AKT3: variants seen among roughly 807,000 people sequenced by gnomAD.
AKT3 encodes AKT serine/threonine kinase 3, also known as RAC-gamma serine/threonine-protein kinase.
A neutral mutation model predicts 65.3 loss-of-function variants in AKT3; 15 were observed. That is an observed-to-expected ratio of 0.23 (90% CI 0.15 to 0.35). The LOEUF (loss-of-function observed/expected upper bound fraction) is 0.35, where lower values mean the gene tolerates loss of function less well. Among genes scored for constraint, AKT3 ranks in the 10% least tolerant of loss-of-function variants. The probability of loss-of-function intolerance (pLI) is 1.00; values close to 1 mark genes in which losing one functional copy is unlikely to be tolerated. For synonymous variants in AKT3, 206 were observed against 183.8 expected, an observed-to-expected ratio of 1.12 and a Z score of -0.98; for missense variants, 243 against 576.5, an observed-to-expected ratio of 0.42 and a Z score of 5.92.
intron 3 of AKT3, among the ~76,000 whole-genome samples, chr1:243,671,355 C>T (rs1024328295): frequency 3.3e-5 from 5 of 152,194 alleles, no homozygotes; most frequent in Non-Finnish European, 7.3e-5. Flanking sequence ...GCTGGGATTA[C>T]AGGCGTGAGC....
At chr1:243,683,098 A>G (rs936937437) in intron 3 of AKT3, among the ~76,000 whole-genome samples, 2 of 152,168 alleles carry the variant, frequency 1.3e-5, no homozygotes, top group African/African-American at 4.8e-5. Context: ...TCTGTTAGAC[A>G]TGGGTTCATG....
chr1:243,811,419 G>C (rs150937457), intron 2 of AKT3, among the ~76,000 whole-genome samples: 3 of 151,992 alleles, frequency 2.0e-5, no homozygotes, highest in Non-Finnish European at 1.5e-5. Flanking sequence ...TCCCATTCAC[G>C]ATTGCTTCAA....
intron 12 of AKT3, among the ~76,000 whole-genome samples, chr1:243,525,050 T>A (rs1335244745): frequency 6.6e-6 from 1 of 152,044 alleles, no homozygotes; most frequent in Non-Finnish European, 1.5e-5. Context: ...AGCTTTTAAG[T>A]GAAGGAGGTG....
At chr1:243,586,072 T>C (rs1462856772) in intron 8 of AKT3, among the ~76,000 whole-genome samples, 1 of 152,078 alleles carries the variant, frequency 6.6e-6, no homozygotes, top group Non-Finnish European at 1.5e-5. Context: ...GCAAATGACA[T>C]GAACAGACAT....
intron 3 of AKT3, among the ~76,000 whole-genome samples, chr1:243,680,511 A>G (rs186232536): frequency 1.3e-5 from 2 of 152,228 alleles, no homozygotes; most frequent in Admixed American, 6.5e-5. Flanking sequence ...TATCTTTCCT[A>G]AATTCCAAGG....
chr1:243,683,522 G>T (rs1684069853), intron 3 of AKT3, among the ~76,000 whole-genome samples: 1 of 152,080 alleles, frequency 6.6e-6, no homozygotes. Context: ...GGCTAGAAAA[G>T]AAAATCAAGG....
intron 2 of AKT3, among the ~76,000 whole-genome samples, chr1:243,699,980 G>A (rs1024869120): frequency 6.6e-6 from 1 of 152,162 alleles, no homozygotes; most frequent in Admixed American, 6.5e-5. Context: ...TTCTCCCCTG[G>A]AGCCTTCTCA....
At chr1:243,638,398 A>G (rs1680134317) in intron 5 of AKT3, among the ~76,000 whole-genome samples, 1 of 152,094 alleles carries the variant, frequency 6.6e-6, no homozygotes. Flanking sequence ...AAGTCAGGTA[A>G]TCCTGAGGAT....
At chr1:243,684,152 TG>T (rs1483143735) in intron 3 of AKT3, among the ~76,000 whole-genome samples, 9 of 152,114 alleles carry the variant, frequency 5.9e-5, no homozygotes, top group African/African-American at 2.2e-4. Context: ...TTTGTATAAA[TG>T]TTTTTTACTT....
At chr1:243,788,392 T>G (rs1025022402) in intron 2 of AKT3, among the ~76,000 whole-genome samples, 7 of 152,238 alleles carry the variant, frequency 4.6e-5, no homozygotes, top group African/African-American at 1.7e-4. Flanking sequence ...GAATTTCCAC[T>G]ATAAATTCAT....
At chr1:243,529,213 A>C (rs1043208652) in intron 12 of AKT3, among the ~76,000 whole-genome samples, 1 of 147,670 alleles carries the variant, frequency 6.8e-6, no homozygotes, top group African/African-American at 2.5e-5. Flanking sequence ...GACCTTTGTC[A>C]GATGCATAGT....
intron 2 of AKT3, among the ~76,000 whole-genome samples, chr1:243,706,471 A>G (rs1344358989): frequency 2.6e-5 from 4 of 152,180 alleles, no homozygotes; most frequent in Admixed American, 2.6e-4. Context: ...CTATACTAAC[A>G]TCAATGCTCT....
At chr1:243,490,313 G>A (rs1574385260) in intron 13 of AKT3, among the ~76,000 whole-genome samples, 1 of 152,230 alleles carries the variant, frequency 6.6e-6, no homozygotes. Context: ...ACTGCTCCCA[G>A]GGACTGTGGG....
intron 13 of AKT3, among the ~76,000 whole-genome samples, chr1:243,511,602 C>T (rs757361876): frequency 6.6e-6 from 1 of 152,136 alleles, no homozygotes; most frequent in African/African-American, 2.4e-5. Flanking sequence ...CCAAATATTG[C>T]CCTGAAACGC....
At chr1:243,827,116 A>T (rs1056292954) in intron 2 of AKT3, among the ~76,000 whole-genome samples, 1 of 152,200 alleles carries the variant, frequency 6.6e-6, no homozygotes, top group Non-Finnish European at 1.5e-5. Flanking sequence ...ATTTTTATAC[A>T]TATATCAACA....
At chr1:243,621,046 G>A (rs750477343) in intron 6 of AKT3, among the ~76,000 whole-genome samples, 4 of 151,988 alleles carry the variant, frequency 2.6e-5, no homozygotes, top group Admixed American at 6.6e-5. Flanking sequence ...TTCATCCATC[G>A]CTACTTAGGT....
intron 12 of AKT3, among the ~76,000 whole-genome samples, chr1:243,544,698 G>T (rs6661233): frequency 3.9e-4 from 37 of 94,056 alleles, no homozygotes; most frequent in Non-Finnish European, 6.9e-4. Context: ...GTGGTTTTTT[G>T]TTTTTTGTTT....
At chr1:243,771,672 T>C (rs1690194774) in intron 2 of AKT3, among the ~76,000 whole-genome samples, 1 of 152,152 alleles carries the variant, frequency 6.6e-6, no homozygotes, top group Admixed American at 6.6e-5. Flanking sequence ...CATTTCTATA[T>C]ACTCTTAGCT....
chr1:243,638,673 TAAATATC>T (rs1368486170), intron 5 of AKT3, among the ~76,000 whole-genome samples: 2 of 152,286 alleles, frequency 1.3e-5, no homozygotes, highest in East Asian at 3.9e-4. Context: ...TAGAGGTTTA[TAAATATC>T]AAATAAGTAT....
Sources: gnomAD v4.1 joint callset for allele counts (sites outside exome capture counted in the v4.1 genomes callset) on GRCh38, gnomAD v4.1.1 for gene constraint, MANE v1.5 for transcripts, NCBI Gene and HGNC (gene_info 2026-07-23, HGNC 2026-07-21) for gene names.